Variants in BCL9 observed in about 807,000 individuals in gnomAD.
BCL9 encodes B-cell CLL/lymphoma 9 protein.
Under a neutral mutation model 88.5 loss-of-function variants are expected in BCL9, and 25 were observed. The ratio of observed to expected loss-of-function variants is 0.28; its 90% CI spans 0.21 to 0.39. BCL9 has a LOEUF of 0.39. Ranked by LOEUF, BCL9 falls within the 10% of genes least tolerant of loss-of-function variation. The pLI, the probability that BCL9 is intolerant of heterozygous loss-of-function variation, is 1.00. For synonymous variants in BCL9, 711 were observed against 673.3 expected (o/e 1.06, Z -0.87); for missense variants, 1,817 against 1,877.8 (o/e 0.97, Z 0.60).
chr1:147,558,540 G>A (rs1427066404), intron 1 of BCL9, among the ~76,000 whole-genome samples: 1 of 152,090 alleles, frequency 6.6e-6, no homozygotes, highest in Non-Finnish European at 1.5e-5. Flanking sequence ...AACCACACAC[G>A]CTCTGTGGAA....
chr1:147,623,595 A>G (rs782221606), intron 9 of BCL9, among the ~76,000 whole-genome samples: 1 of 152,304 alleles, frequency 6.6e-6, no homozygotes, highest in Non-Finnish European at 1.5e-5. Context: ...TTCACACATG[A>G]CAATTTCTCC....
In BCL9 at chr1:147,560,833, ATAAT is replaced by A. The variant is rs587700842; in HGVS notation, c.-478+19164_-478+19167del. On this transcript the variant is annotated intron_variant, in intron 1 of 9. Transcript: ENST00000234739. Reference sequence around the variant, plus strand: ...TCATGGAGTTTCATGATTCTCAGACATAATTAATAATAGATGGTTTACAATATAT... The same window carrying A: ...TCATGGAGTTTCATGATTCTCAGACATAATAATAGATGGTTTACAATATAT... Among the ~76,000 whole-genome samples the A allele has an allele frequency of 5.8e-3, 878 of 152,322 alleles. 7 individuals are homozygous for A. The highest frequency in any genetic ancestry group is 0.019 in the African/African-American group (801 of 41,570).
At chr1:147,617,769 G>A (rs1455548576) in intron 7 of BCL9, among the ~76,000 whole-genome samples, 3 of 152,182 alleles carry the variant, frequency 2.0e-5, no homozygotes, top group East Asian at 3.9e-4. Flanking sequence ...TGGATTAAGC[G>A]AACAAGTAGG....
At chr1:147,555,138 A>G (rs1655049981) in intron 1 of BCL9, among the ~76,000 whole-genome samples, 1 of 152,058 alleles carries the variant, frequency 6.6e-6, no homozygotes, top group African/African-American at 2.4e-5. Flanking sequence ...TATTATCCTC[A>G]TCTTTCAGAT....
chr1:147,569,485 A>AAAG (rs1553197092), intron 1 of BCL9, among the ~76,000 whole-genome samples: 7 of 546 alleles, frequency 0.013, no homozygotes, highest in Admixed American at 0.062. Context: ...AAAAAAAAAA[A>AAAG]AAAGAAAGAA....
intron 5 of BCL9, among the ~76,000 whole-genome samples, chr1:147,613,429 G>A (rs900064032): frequency 8.5e-5 from 13 of 152,164 alleles, no homozygotes; most frequent in African/African-American, 2.7e-4. Flanking sequence ...AGGATGCAAC[G>A]GTTTAGGGGT....
chr1:147,613,038 G>A lies in BCL9; in HGVS notation c.209G>A (p.Gly70Asp), dbSNP rs1176887865. Residue 70 changes from glycine to aspartate, a missense_variant, in exon 5 of 10, where the codon GGC (glycine) becomes GAC (aspartate). Physicochemically the swap from Gly to Asp is moderately conservative, Grantham distance 94 (BLOSUM62 -1). Transcript: ENST00000234739. ...TCCCCCTGTGACTCCAAGAGTGGGG[G>A]CCATACCCCTAAAGCACTCCCTGGC... The part of the protein sequence containing the change: ...QPSPCDSKSG[G>D]HTPKALPGPG... 2 of 1,609,640 alleles carry A rather than the reference G, an allele frequency of 1.2e-6. No individual in the cohort carries two copies. The highest frequency in any genetic ancestry group is 1.7e-6 in the Non-Finnish European group (2 of 1,177,274).
intron 1 of BCL9, among the ~76,000 whole-genome samples, chr1:147,579,736 G>A (rs1468324767): frequency 6.6e-6 from 1 of 152,104 alleles, no homozygotes; most frequent in Non-Finnish European, 1.5e-5. Context: ...CCTGTCCCTC[G>A]GCTGAGATGG....
chr1:147,620,120 C>A lies in BCL9; in HGVS notation c.1965C>A (p.Ser655Arg). Reference sequence around the variant, plus strand: ...TGGCCATGGAAGGCATCAGGCCCAGCATGGAGATGAACAGGATGATTCCAG... The same window carrying A: ...TGGCCATGGAAGGCATCAGGCCCAGAATGGAGATGAACAGGATGATTCCAG... ...PGMAMEGIRP[S>R]MEMNRMIPGS... Residue 655 changes from serine to arginine, a missense_variant, in exon 8 of 10, where the codon AGC (serine) becomes AGA (arginine). Transcript: ENST00000234739. 6.2e-7 allele frequency: 1 copy of A among 1,614,180 alleles called. No homozygotes were observed. The highest frequency in any genetic ancestry group is 8.5e-7 in the Non-Finnish European group (1 of 1,180,036).
chr1:147,569,606 C>T (rs1266817269), intron 1 of BCL9, among the ~76,000 whole-genome samples: 1 of 151,854 alleles, frequency 6.6e-6, no homozygotes, highest in Non-Finnish European at 1.5e-5. Context: ...GCCAAGATCT[C>T]ACCACTGCAC....
At chr1:147,589,122 T>G (rs1553199617) in intron 1 of BCL9, among the ~76,000 whole-genome samples, 2 of 152,196 alleles carry the variant, frequency 1.3e-5, no homozygotes, top group Non-Finnish European at 2.9e-5. Context: ...GTAGTGACAC[T>G]GAAAGCTTTA....
At chr1:147,590,683 C>G (rs781942311) in intron 1 of BCL9, among the ~76,000 whole-genome samples, 3 of 152,204 alleles carry the variant, frequency 2.0e-5, no homozygotes, top group Non-Finnish European at 4.4e-5. Flanking sequence ...TACTTAACCT[C>G]TCTGAGCCCC....
intron 1 of BCL9, among the ~76,000 whole-genome samples, chr1:147,548,868 GA>G (rs1654741545): frequency 6.6e-6 from 1 of 151,570 alleles, no homozygotes; most frequent in Admixed American, 6.6e-5. Flanking sequence ...TTGCATTAAA[GA>G]AAGGAAATTT....
chr1:147,588,999 C>T (rs890993411), intron 1 of BCL9, among the ~76,000 whole-genome samples: 6 of 152,188 alleles, frequency 3.9e-5, no homozygotes, highest in African/African-American at 1.4e-4. Context: ...TACCTCTGCT[C>T]TCAGTGGATG....
At chr1:147,584,236 G>A (rs587761271) in intron 1 of BCL9, among the ~76,000 whole-genome samples, 26 of 152,074 alleles carry the variant, frequency 1.7e-4, no homozygotes, top group African/African-American at 5.3e-4. Context: ...TAGTAGAGAC[G>A]AGGTTTTGCC....
At chr1:147,584,559 T>G (rs976732639) in intron 1 of BCL9, among the ~76,000 whole-genome samples, 40 of 152,202 alleles carry the variant, frequency 2.6e-4, no homozygotes, top group African/African-American at 9.2e-4. Context: ...AATTCCCAGT[T>G]ATGTTCAATG....
chr1:147,571,939 C>T (rs1035501086), intron 1 of BCL9, among the ~76,000 whole-genome samples: 2 of 152,204 alleles, frequency 1.3e-5, no homozygotes, highest in African/African-American at 4.8e-5. Flanking sequence ...ATAAGCCAGG[C>T]CCTGTTTGGG....
chr1:147,574,525 C>T (rs1488595342), intron 1 of BCL9, among the ~76,000 whole-genome samples: 2 of 152,082 alleles, frequency 1.3e-5, no homozygotes, highest in African/African-American at 4.8e-5. Context: ...TAAAATCACC[C>T]TAGTTTTTCT....
chr1:147,620,697 A>C lies in BCL9; in HGVS notation c.2542A>C (p.Ile848Leu), dbSNP rs1553205128. Residue 848 changes from isoleucine (I) to leucine (L), a missense_variant, in exon 8 of 10, where the codon ATA becomes CTA. Ile to Leu is a conservative substitution (Grantham distance 5). This residue lies in a region of BCL9 where 1,228 missense variants were observed against 1,191.6 expected (regional missense o/e 1.03). Transcript: ENST00000234739. ...CGGCCTGGGGCGGAAGCCCTTGGAT[A>C]TATCTGTGGCAGGCAGCCAGGTGCA... ...QRGLGRKPLDISVAGSQVHSP... is the reference protein window; with the variant it reads ...QRGLGRKPLDLSVAGSQVHSP... The C allele has an allele frequency of 6.2e-7, 1 of 1,614,148 alleles. No homozygotes were observed. Among genetic ancestry groups the C allele is most frequent in the Non-Finnish European group, 8.5e-7 (1 of 1,180,020 alleles).
Sources: gnomAD v4.1 joint callset for allele counts (sites outside exome capture counted in the v4.1 genomes callset) on GRCh38, gnomAD v4.1.1 for gene constraint, gnomAD v4.1.1 regional missense constraint, MANE v1.5 for transcripts, NCBI Gene and HGNC (gene_info 2026-07-23, HGNC 2026-07-21) for gene names.